Variants in VWA3A observed in about 807,000 individuals in gnomAD.
VWA3A encodes the protein von Willebrand factor A domain-containing protein 3A.
In VWA3A, 134 loss-of-function variants were observed where a neutral mutation model predicts 160.4. That is an observed-to-expected ratio of 0.84 (90% CI 0.73 to 0.96). VWA3A has a LOEUF of 0.96. VWA3A is among the 40% of genes least tolerant of loss of function. The pLI is 0.00. For synonymous variants in VWA3A, 476 were observed against 543.4 expected (o/e 0.88, Z 1.72); for missense variants, 1,310 against 1,447.9 (o/e 0.90, Z 1.55).
Position 22,146,345 on chromosome 16 carries a change from G to T in VWA3A, c.2839+1G>T. On this transcript the variant is annotated splice_donor_variant, in intron 27 of 33. Transcript: ENST00000389398. LOFTEE classifies it high-confidence loss of function. Reference sequence around the variant, plus strand: ...CAGAGGCTGCAGTGGCTGCTGTCCGGTGAGCCTGCCCACTGCCCTGAAGGG... The same window carrying T: ...CAGAGGCTGCAGTGGCTGCTGTCCGTTGAGCCTGCCCACTGCCCTGAAGGG... 1 of 1,611,976 alleles carries T rather than the reference G, an allele frequency of 6.2e-7. No individual in the cohort carries two copies. Among genetic ancestry groups the T allele is most frequent in the Non-Finnish European group, 8.5e-7 (1 of 1,178,786 alleles).
intron 28 of VWA3A, among the ~76,000 whole-genome samples, chr16:22,148,994 C>T (rs1752454685): frequency 6.6e-6 from 1 of 152,074 alleles, no homozygotes; most frequent in Admixed American, 6.6e-5. Context: ...GAAGGGGACC[C>T]CAGGGGACTC....
At chr16:22,137,898 G>T (rs967446772) in intron 21 of VWA3A, among the ~76,000 whole-genome samples, 37 of 152,306 alleles carry the variant, frequency 2.4e-4, no homozygotes, top group African/African-American at 8.4e-4. Context: ...GAACAACGGG[G>T]ATGCAAACAG....
intron 25 of VWA3A, among the ~76,000 whole-genome samples, chr16:22,143,435 G>C (rs2046188906): frequency 6.6e-6 from 1 of 152,212 alleles, no homozygotes; most frequent in African/African-American, 2.4e-5. Flanking sequence ...ATAAAAGCCT[G>C]AGCATGGTTC....
intron 5 of VWA3A, 58 bp from the exon 6 acceptor site, chr16:22,103,417 G>T (rs1423515739): frequency 1.4e-5 from 20 of 1,465,556 alleles, no homozygotes; most frequent in East Asian, 2.5e-5. Flanking sequence ...TATGTAAGTG[G>T]CTGTTGCTCA....
At chr16:22,097,516 G>T in intron 2 of VWA3A, 56 bp from the exon 3 acceptor site, 1 of 1,541,982 alleles carries the variant, frequency 6.5e-7, no homozygotes, top group Non-Finnish European at 8.7e-7. Context: ...GGCACTGGGG[G>T]TATCAAACCT....
chr16:22,118,757 G>A, intron 11 of VWA3A, 145 bp from the exon 12 acceptor site: 1 of 1,040,468 alleles, frequency 9.6e-7, no homozygotes, highest in Admixed American at 2.5e-5. Context: ...GGCTCTGTCT[G>A]GCACATGGGT....
chr16:22,146,411 C>A (rs533490428), intron 27 of VWA3A, 67 bp downstream of exon 27: 32 of 1,397,744 alleles, frequency 2.3e-5, no homozygotes, highest in Non-Finnish European at 3.0e-5. Flanking sequence ...GCCCCAGGGA[C>A]CCCAGTGTCA....
intron 3 of VWA3A, among the ~76,000 whole-genome samples, chr16:22,099,698 C>T (rs1365494202): frequency 6.6e-6 from 1 of 152,184 alleles, no homozygotes; most frequent in Admixed American, 6.5e-5. Context: ...CGCTTGAGCC[C>T]AGAACTTCGA....
chr16:22,127,036 T>C (rs1461909035), intron 17 of VWA3A, among the ~76,000 whole-genome samples: 1 of 149,158 alleles, frequency 6.7e-6, no homozygotes, highest in Non-Finnish European at 1.5e-5. Context: ...TTTAAAATGT[T>C]AATATAGTTT....
chr16:22,144,168 G>A, intron 25 of VWA3A, 79 bp from the exon 26 acceptor site: 2 of 1,468,172 alleles, frequency 1.4e-6, no homozygotes, highest in Non-Finnish European at 1.8e-6. Context: ...TCAAACATGA[G>A]GTTCTCATAG....
rs1308392065 is a variant in VWA3A, at chr16:22,115,921, GGAAA to G, written c.815+451_815+454del. Reference sequence around the variant, plus strand: ...AGGAAGGAAGGAAGGAAGGAAGGAAGGAAAGGAAAGGAAAGGAAGGGAGGAGGGG... The same window carrying G: ...AGGAAGGAAGGAAGGAAGGAAGGAAGGGAAAGGAAAGGAAGGGAGGAGGGG... On this transcript the variant is annotated intron_variant, in intron 9 of 33. Coordinates refer to ENST00000389398, the MANE Select transcript of VWA3A (RefSeq NM_173615.5). 3.0e-3 allele frequency among the ~76,000 whole-genome samples: 104 copies of G among 35,030 alleles called. 8 individuals carry two copies. Among genetic ancestry groups the G allele is most frequent in the Middle Eastern group, 0.017 (1 of 58 alleles). The allele number at this position is 35,030 out of a possible 152,430, so 23.0% of individuals were successfully genotyped here. A position where few individuals can be genotyped will look rare whatever the true frequency, so the allele number is the denominator to read the frequency against.
Position 22,118,945 on chromosome 16 carries a change from A to T in VWA3A, c.1034A>T (p.Gln345Leu), listed in dbSNP as rs1277810059. Residue 345 changes from glutamine (Q) to leucine (L), a missense_variant, in exon 12 of 34, where the codon CAG (glutamine) becomes CTG (leucine). By Grantham distance (113) the Gln-to-Leu change is moderately radical. Transcript: ENST00000389398. ...RDMDELLAEI[Q>L]KAQSLLSHVQ... is the part of the protein sequence containing the mutation. ...ATGGATGAGCTCCTGGCAGAAATTC[A>T]GAAGGCCCAGAGCCTCCTCAGCCAC... 3 of 1,613,962 alleles carry T rather than the reference A, an allele frequency of 1.9e-6. No homozygotes were observed. The highest frequency in any genetic ancestry group is 2.5e-6 in the Non-Finnish European group (3 of 1,179,866).
rs564772457 is a variant in VWA3A at position 22,095,828 on chromosome 16, G to A, written c.15-1031G>A. Among the ~76,000 whole-genome samples the A allele has an allele frequency of 2.0e-5, 3 of 152,274 alleles. No individual in the cohort carries two copies. In the South Asian group the frequency reaches 6.2e-4, roughly 32 times the overall value. ...CTCCTGCCTCAGCCTGCCTCCCAAA[G>A]TGCTGGGATTATAGGTGTGAGCTAC... is the stretch of plus-strand genomic sequence containing the variant. On this transcript the variant is annotated intron_variant, in intron 1 of 33. Transcript: ENST00000389398.
At chr16:22,096,062 T>C (rs2045316245) in intron 1 of VWA3A, among the ~76,000 whole-genome samples, 1 of 152,146 alleles carries the variant, frequency 6.6e-6, no homozygotes. Context: ...TAGAGACATT[T>C]CTGGTTGTCA....
At chr16:22,099,291 T>C (rs2045372964) in intron 3 of VWA3A, among the ~76,000 whole-genome samples, 1 of 152,180 alleles carries the variant, frequency 6.6e-6, no homozygotes, top group African/African-American at 2.4e-5. Flanking sequence ...AATGAGAAAG[T>C]AATCTTGCCC....
At chr16:22,151,285 A>G (rs1598112405) in intron 30 of VWA3A, among the ~76,000 whole-genome samples, 1 of 152,110 alleles carries the variant, frequency 6.6e-6, no homozygotes, top group East Asian at 1.9e-4. Context: ...CAAAAAAAAA[A>G]AAAAAGAAAG....
At chr16:22,155,962 C>T in intron 33 of VWA3A, 46 bp downstream of exon 33, 1 of 1,574,658 alleles carries the variant, frequency 6.4e-7, no homozygotes. Context: ...GTGCACTAAG[C>T]ACCAAGTGGC....
At chr16:22,151,637 T>C (rs2046349841) in intron 30 of VWA3A, among the ~76,000 whole-genome samples, 2 of 152,130 alleles carry the variant, frequency 1.3e-5, no homozygotes, top group Admixed American at 6.6e-5. Flanking sequence ...TTTGGGAGAC[T>C]GAGGTGGGAG....
At chr16:22,144,762 T>A (rs1293077373) in intron 26 of VWA3A, among the ~76,000 whole-genome samples, 8 of 151,326 alleles carry the variant, frequency 5.3e-5, no homozygotes, top group African/African-American at 1.7e-4. Context: ...TGAAAAAAAA[T>A]TAGATTAGCC....
Sources: gnomAD v4.1 joint callset for allele counts (sites outside exome capture counted in the v4.1 genomes callset) on GRCh38, gnomAD v4.1.1 for gene constraint, MANE v1.5 for transcripts, NCBI Gene and HGNC (gene_info 2026-07-23, HGNC 2026-07-21) for gene names.